Variants in GALK1 observed in about 807,000 individuals in gnomAD.
GALK1 encodes galactokinase.
GALK1 carries 30 observed loss-of-function variants against 38.6 expected under a neutral mutation model. The ratio of observed to expected loss-of-function variants is 0.78; its 90% CI spans 0.58 to 1.05. The LOEUF (loss-of-function observed/expected upper bound fraction) is 1.05, where lower values mean the gene tolerates loss of function less well. Among genes scored for constraint, GALK1 ranks in the 50% least tolerant of loss-of-function variants. The pLI, the probability that GALK1 is intolerant of heterozygous loss-of-function variation, is 0.00. For missense variants in GALK1, 512 were observed against 540.5 expected, an observed-to-expected ratio of 0.95 and a Z score of 0.52; for synonymous variants, 240 against 233.6, an observed-to-expected ratio of 1.03 and a Z score of -0.25.
rs369389940 is a variant in GALK1 at position 75,762,916 on chromosome 17, G to A, written c.612-31C>T. On this transcript the variant is annotated intron_variant, in intron 4 of 7. Transcript: ENST00000588479. The stretch of plus-strand genomic sequence containing the variant: ...GTGGAGTTACAATGGGGGAGATGAC[G>A]AGGCCAAGCGTGTGCTTGCTGCGCC... 51 of 1,611,366 alleles carry A rather than the reference G, an allele frequency of 3.2e-5. No homozygotes were observed. In the African/African-American group the frequency reaches 4.8e-4, roughly 15 times the overall value.
chr17:75,757,113 C>A, downstream of GALK1: 1 of 1,612,962 alleles, frequency 6.2e-7, no homozygotes. Flanking sequence ...TGGAGGTAGG[C>A]ACCTGTCCTT....
chr17:75,762,107 T>C (rs933333790), intron 5 of GALK1, among the ~76,000 whole-genome samples: 16 of 152,066 alleles, frequency 1.1e-4, no homozygotes, highest in Non-Finnish European at 4.4e-5. Context: ...GGAGGACCAC[T>C]TGAGGCCAGA....
chr17:75,755,177 C>T, downstream of GALK1: 1 of 1,608,136 alleles, frequency 6.2e-7, no homozygotes, highest in South Asian at 1.1e-5. Context: ...CTCTATAATC[C>T]TGGCTGGGAG....
chr17:75,754,106 C>T, downstream of GALK1: 1 of 454,260 alleles, frequency 2.2e-6, no homozygotes, highest in Non-Finnish European at 3.8e-6. Flanking sequence ...CGGCTGGGAG[C>T]ACAGCTGCTC....
chr17:75,763,631 G>T, intron 2 of GALK1, 192 bp from the exon 3 acceptor site: 1 of 722,596 alleles, frequency 1.4e-6, no homozygotes, highest in Non-Finnish European at 2.3e-6. Flanking sequence ...CTCTGAGGTT[G>T]CTGGGACACT....
intron 1 of GALK1, 157 bp from the exon 2 acceptor site, chr17:75,764,243 C>G: frequency 1.2e-6 from 1 of 817,668 alleles, no homozygotes; most frequent in Non-Finnish European, 2.1e-6. Flanking sequence ...GCCAGCTGAC[C>G]TTGGGGGCTT....
In GALK1 at chr17:75,763,118, C is replaced by A. The variant is rs760305997; in HGVS notation, c.507G>T (p.Val169=). Residue 169 remains valine, a synonymous_variant, in exon 4 of 8, where the codon GTG becomes GTT. Coordinates refer to ENST00000588479, the MANE Select transcript of GALK1 (RefSeq NM_000154.2). ...CGAAGCTGTGCTCGGCCTGCTGACA[C>A]ACCTGGGCGCGGGCAGCTATTGTGC... ...DSGTIAARAQ[V]CQQAEHSFAG... 1.2e-6 allele frequency: 2 copies of A among 1,612,216 alleles called. No individual in the cohort carries two copies. Among genetic ancestry groups the A allele is most frequent in the East Asian group, 4.5e-5 (2 of 44,884 alleles).
chr17:75,764,971 C>T lies in GALK1; in HGVS notation c.165+1G>A. On this transcript the variant is annotated splice_donor_variant, in intron 1 of 7. Transcript: ENST00000588479. LOFTEE classifies it high-confidence loss of function. ...TAGGGGCTCCCCGTGCAGCCCCTCA[C>T]CATAGGCAGCACCAGGCCCTGGTTG... 6.2e-7 allele frequency: 1 copy of T among 1,607,446 alleles called. No homozygotes were observed. The highest frequency in any genetic ancestry group is 8.5e-7 in the Non-Finnish European group (1 of 1,177,648).
chr17:75,761,527 G>T (rs1197204530), intron 5 of GALK1, among the ~76,000 whole-genome samples: 1 of 148,200 alleles, frequency 6.7e-6, no homozygotes, highest in Admixed American at 6.9e-5. Flanking sequence ...TAAGGCAGGA[G>T]AATCATTTGA....
chr17:75,756,576 A>G (rs558254002), downstream of GALK1: 1 of 1,613,022 alleles, frequency 6.2e-7, no homozygotes, highest in East Asian at 2.2e-5. Context: ...ATCACCATTG[A>G]ATCCCAGGTG....
chr17:75,754,374 T>G, downstream of GALK1: 1 of 633,720 alleles, frequency 1.6e-6, no homozygotes, highest in Non-Finnish European at 2.8e-6. Flanking sequence ...GGCCAGAGGA[T>G]ATGGGCTGTG....
intron 1 of GALK1, chr17:75,764,454 G>C (rs1231725751): frequency 1.8e-6 from 1 of 561,706 alleles, no homozygotes; most frequent in East Asian, 4.6e-5. Context: ...GGGGCGGAAA[G>C]CGCCCCCCGC....
chr17:75,755,182 T>C (rs745643915), downstream of GALK1: 88 of 1,606,728 alleles, frequency 5.5e-5, no homozygotes, highest in Non-Finnish European at 7.4e-5. Flanking sequence ...TAATCCTGGC[T>C]GGGAGGCCAG....
chr17:75,755,809 C>T (rs548383450), downstream of GALK1: 76 of 1,609,162 alleles, frequency 4.7e-5, no homozygotes, highest in Non-Finnish European at 5.8e-5. Flanking sequence ...TGCGAGCGGC[C>T]GCTGCAGGGC....
intron 5 of GALK1, 138 bp from the exon 6 acceptor site, chr17:75,758,737 C>T (rs993978098): frequency 2.9e-6 from 3 of 1,029,976 alleles, no homozygotes; most frequent in Admixed American, 2.2e-5. Context: ...GGCAGCCTGG[C>T]TCTCTCAGAC....
At chr17:75,761,318 G>A (rs547020931) in intron 5 of GALK1, among the ~76,000 whole-genome samples, 10 of 152,020 alleles carry the variant, frequency 6.6e-5, no homozygotes, top group African/African-American at 1.9e-4. Flanking sequence ...AAATATTGTG[G>A]AGCTTTAAAG....
chr17:75,760,406 CT>C (rs1413464854), intron 5 of GALK1, among the ~76,000 whole-genome samples: 2 of 151,006 alleles, frequency 1.3e-5, no homozygotes, highest in African/African-American at 4.9e-5. Flanking sequence ...GCCTACAATA[CT>C]TGTGTCTCTT....
chr17:75,756,820 G>A (rs755748059), downstream of GALK1: 39 of 1,612,334 alleles, frequency 2.4e-5, no homozygotes, highest in Middle Eastern at 1.8e-4. Flanking sequence ...TGGGGATATC[G>A]TCGGCTACCT....
rs116845474 is a variant in GALK1, at chr17:75,758,024, G to C, written c.*32C>G. ...GCCGTGGGACTGGCCTGCAGGCCCC[G>C]CACCCTCACCGTGTGCTGTCCTGGG... On this transcript the variant is annotated 3_prime_UTR_variant, in exon 8 of 8. Transcript: ENST00000588479. 1.2e-6 allele frequency: 2 copies of C among 1,610,494 alleles called. No individual in the cohort carries two copies. The highest frequency in any genetic ancestry group is 1.7e-6 in the Non-Finnish European group (2 of 1,178,514).
Sources: allele counts gnomAD v4.1 joint callset (sites outside exome capture counted in the v4.1 genomes callset), GRCh38; gene constraint gnomAD v4.1.1; transcripts MANE v1.5; gene names NCBI Gene and HGNC (gene_info 2026-07-23, HGNC 2026-07-21).